Variants in KHDRBS3 observed in about 807,000 individuals in gnomAD.
KHDRBS3 encodes KH RNA binding domain containing, signal transduction associated 3, also known as KH domain-containing, RNA-binding, signal transduction-associated protein 3.
A neutral mutation model predicts 45.6 loss-of-function variants in KHDRBS3; 23 were observed. That is an observed-to-expected ratio of 0.50 (90% CI 0.36 to 0.72). The LOEUF (loss-of-function observed/expected upper bound fraction) is 0.72, where lower values mean the gene tolerates loss of function less well. KHDRBS3 is among the 30% of genes least tolerant of loss of function. KHDRBS3 has a pLI of 0.00. For missense variants in KHDRBS3, 352 were observed against 424.8 expected, an observed-to-expected ratio of 0.83 and a Z score of 1.51; for synonymous variants, 162 against 156.5, an observed-to-expected ratio of 1.04 and a Z score of -0.26.
chr8:135,623,908 G>A (rs1830253885), intron 7 of KHDRBS3, among the ~76,000 whole-genome samples: 1 of 152,060 alleles, frequency 6.6e-6, no homozygotes, highest in Non-Finnish European at 1.5e-5. Context: ...AATACATCAG[G>A]GGCTGAACAA....
At chr8:135,556,036 T>G (rs192309025) in intron 4 of KHDRBS3, among the ~76,000 whole-genome samples, 6 of 152,306 alleles carry the variant, frequency 3.9e-5, no homozygotes, top group African/African-American at 1.4e-4. Flanking sequence ...GTTTTCAGCT[T>G]CATCCCTGTC....
chr8:135,475,698 A>T (rs1822248042), intron 1 of KHDRBS3, among the ~76,000 whole-genome samples: 1 of 152,138 alleles, frequency 6.6e-6, no homozygotes, highest in African/African-American at 2.4e-5. Context: ...ATTATTAATA[A>T]TAATGATCTG....
At chr8:135,544,896 G>A (rs1293350224) in intron 3 of KHDRBS3, among the ~76,000 whole-genome samples, 1 of 151,998 alleles carries the variant, frequency 6.6e-6, no homozygotes, top group Non-Finnish European at 1.5e-5. Context: ...CACTGTCAGT[G>A]GACTGAGACC....
At chr8:135,567,000 A>G (rs148742687) in intron 5 of KHDRBS3, among the ~76,000 whole-genome samples, 36 of 152,164 alleles carry the variant, frequency 2.4e-4, no homozygotes, top group African/African-American at 8.4e-4. Flanking sequence ...CCTTTAATGG[A>G]CCCCAAGTGG....
intron 6 of KHDRBS3, among the ~76,000 whole-genome samples, chr8:135,587,350 T>G (rs1202112578): frequency 2.0e-5 from 3 of 152,182 alleles, no homozygotes; most frequent in African/African-American, 7.2e-5. Context: ...GCCATTTGAG[T>G]AGGATAGTCT....
In KHDRBS3 at chr8:135,457,926, C is replaced by A; in HGVS notation, c.60C>A (p.Phe20Leu). 1 of 1,602,660 alleles carries A rather than the reference C, an allele frequency of 6.2e-7. No homozygotes were observed. Among genetic ancestry groups the A allele is most frequent in the East Asian group, 2.3e-5 (1 of 44,052 alleles). The change falls in exon 1 of 9, where the codon TTC becomes TTA. Residue 20 changes from phenylalanine (F) to leucine (L), a missense_variant. Coordinates refer to ENST00000355849, the MANE Select transcript of KHDRBS3 (RefSeq NM_006558.3). This position sits in a 1 kb window ranked among gnomAD's most constrained non-coding sequence, Gnocchi z 4.4. ...AGAAGGACTCCCTGGACCCCTCCTTCACGCACGCCCTGCGCCTGGTGAACC... is the reference window on the plus strand; with the variant it reads ...AGAAGGACTCCCTGGACCCCTCCTTAACGCACGCCCTGCGCCTGGTGAACC... ...MAEKDSLDPSFTHALRLVNQE... is the reference protein window; with the variant it reads ...MAEKDSLDPSLTHALRLVNQE...
At chr8:135,634,775 T>C (rs915310383) in intron 7 of KHDRBS3, among the ~76,000 whole-genome samples, 14 of 152,334 alleles carry the variant, frequency 9.2e-5, no homozygotes, top group South Asian at 4.1e-4. Context: ...GACTAAGCAG[T>C]TGTGACATCG....
intron 1 of KHDRBS3, among the ~76,000 whole-genome samples, chr8:135,494,923 G>T (rs2130453276): frequency 6.6e-6 from 1 of 152,288 alleles, no homozygotes; most frequent in East Asian, 1.9e-4. Context: ...GGGGTAGATG[G>T]TTTTTGCTTT....
At chr8:135,565,662 T>G (rs1297972293) in intron 5 of KHDRBS3, among the ~76,000 whole-genome samples, 1 of 152,168 alleles carries the variant, frequency 6.6e-6, no homozygotes, top group Non-Finnish European at 1.5e-5. Context: ...ACACAGAATC[T>G]GTGGCTCCCT....
At chr8:135,517,037 C>T (rs1824646902) in intron 1 of KHDRBS3, among the ~76,000 whole-genome samples, 1 of 152,172 alleles carries the variant, frequency 6.6e-6, no homozygotes, top group African/African-American at 2.4e-5. Flanking sequence ...GAGGCCATTG[C>T]TTAGGAAGTT....
intron 5 of KHDRBS3, among the ~76,000 whole-genome samples, chr8:135,569,748 A>G (rs899846829): frequency 3.3e-5 from 5 of 152,276 alleles, no homozygotes; most frequent in African/African-American, 1.2e-4. Context: ...GCGGCACAGC[A>G]GTCACCCAGG....
chr8:135,524,742 T>A (rs1825094246), intron 2 of KHDRBS3, among the ~76,000 whole-genome samples: 1 of 152,126 alleles, frequency 6.6e-6, no homozygotes, highest in Admixed American at 6.5e-5. Context: ...TTTACTGCTG[T>A]ATCTTAAACT....
chr8:135,535,004 C>A (rs1039978065), intron 2 of KHDRBS3, among the ~76,000 whole-genome samples: 1 of 152,114 alleles, frequency 6.6e-6, no homozygotes, highest in Non-Finnish European at 1.5e-5. Flanking sequence ...CTGCCCCCAA[C>A]AGTGCCGAAG....
intron 2 of KHDRBS3, among the ~76,000 whole-genome samples, chr8:135,526,308 T>C (rs1347231240): frequency 6.6e-6 from 1 of 151,884 alleles, no homozygotes; most frequent in Non-Finnish European, 1.5e-5. Flanking sequence ...AGAAAAATTA[T>C]AATATTTAAA....
intron 7 of KHDRBS3, among the ~76,000 whole-genome samples, chr8:135,630,867 GT>G (rs1265321658): frequency 6.6e-6 from 1 of 152,180 alleles, no homozygotes; most frequent in Admixed American, 6.5e-5. Context: ...TGAGTGGGTG[GT>G]GAGTGACTAT....
At chr8:135,645,035 T>C (rs1831224597) in intron 7 of KHDRBS3, 24 bp from the exon 8 acceptor site, 1 of 1,610,678 alleles carries the variant, frequency 6.2e-7, no homozygotes, top group African/African-American at 1.3e-5. Flanking sequence ...ATTTTGTCCT[T>C]TGTTTTGTTT....
At chr8:135,625,705 C>T in intron 7 of KHDRBS3, 1 of 788,908 alleles carries the variant, frequency 1.3e-6, no homozygotes. Flanking sequence ...AATTTGTCCA[C>T]AGGAATTATT....
At chr8:135,505,641 A>G (rs558413329) in intron 1 of KHDRBS3, among the ~76,000 whole-genome samples, 10 of 152,200 alleles carry the variant, frequency 6.6e-5, no homozygotes, top group African/African-American at 2.4e-4. Context: ...TAGTAACAAA[A>G]GGTTAGCAGC....
At chr8:135,626,648 C>CA (rs1830375634) in intron 7 of KHDRBS3, among the ~76,000 whole-genome samples, 2 of 151,978 alleles carry the variant, frequency 1.3e-5, no homozygotes, top group Admixed American at 6.6e-5. Flanking sequence ...CTAAAAAATA[C>CA]AAAAAATTAG....
Sources: gnomAD v4.1 joint callset for allele counts (sites outside exome capture counted in the v4.1 genomes callset) on GRCh38, gnomAD v4.1.1 for gene constraint, Gnocchi (gnomAD v3.1) non-coding constraint, MANE v1.5 for transcripts, NCBI Gene and HGNC (gene_info 2026-07-23, HGNC 2026-07-21) for gene names.